CENPU: variants seen among roughly 807,000 people sequenced by gnomAD.
CENPU encodes the protein KSHV latent nuclear antigen interacting protein 1.
A neutral mutation model predicts 56.7 loss-of-function variants in CENPU; 46 were observed. The ratio of observed to expected loss-of-function variants is 0.81; its 90% CI spans 0.64 to 1.04. The LOEUF (loss-of-function observed/expected upper bound fraction) is 1.04, where lower values mean the gene tolerates loss of function less well. Ranked by LOEUF, CENPU falls within the 50% of genes least tolerant of loss-of-function variation. The pLI is 0.00. For missense variants in CENPU, 510 were observed against 490.1 expected (o/e 1.04, Z -0.38); for synonymous variants, 166 against 163.0 (o/e 1.02, Z -0.14).
At chr4:184,722,637 GA>G (rs1056953751) in intron 4 of CENPU, among the ~76,000 whole-genome samples, 17 of 142,934 alleles carry the variant, frequency 1.2e-4, no homozygotes, top group Middle Eastern at 3.6e-3. Context: ...TTTCTATGTT[GA>G]AAAAAAAAAC....
In CENPU at chr4:184,695,213, T is replaced by C; in HGVS notation, c.*75A>G. On this transcript the variant is annotated 3_prime_UTR_variant, in exon 13 of 13. Coordinates refer to ENST00000281453, the MANE Select transcript of CENPU (RefSeq NM_024629.4). ...TAACTTCTTTGCAAAACAATTGATTTATAAAGGTACAGTTTCAGAAGGTAA... is the reference window on the plus strand; with the variant it reads ...TAACTTCTTTGCAAAACAATTGATTCATAAAGGTACAGTTTCAGAAGGTAA... 1 of 987,922 alleles carries C rather than the reference T, an allele frequency of 1.0e-6. No individual in the cohort carries two copies. Among genetic ancestry groups the C allele is most frequent in the South Asian group, 1.3e-5 (1 of 74,552 alleles). The allele number at this position is 987,922 out of a possible 1,614,324, so 61.2% of individuals were successfully genotyped here.
At chr4:184,706,108 T>C (rs28579266) in intron 8 of CENPU, among the ~76,000 whole-genome samples, 27,109 of 152,184 alleles carry the variant, frequency 0.18, 2,714 homozygotes, top group African/African-American at 0.26. Flanking sequence ...TTTTATGTTA[T>C]GTGTATTTTA....
chr4:184,695,001 C>G lies in CENPU; in HGVS notation c.*287G>C, dbSNP rs768540804. The G allele has an allele frequency of 6.4e-4, 352 of 546,040 alleles. 3 individuals are homozygous for G. The highest frequency in any genetic ancestry group is 9.8e-4 in the Non-Finnish European group (303 of 309,446). 33.8% of individuals were successfully genotyped at this position (546,040 alleles called of 1,614,324 possible). ...TTAATCAAAATTATGTTCACATCAA[C>G]TTAATTTTACAAGTTTATTATAGCT... On this transcript the variant is annotated 3_prime_UTR_variant, in exon 13 of 13. Coordinates refer to ENST00000281453, the MANE Select transcript of CENPU (RefSeq NM_024629.4).
chr4:184,699,712 G>A, intron 11 of CENPU: 1 of 921,872 alleles, frequency 1.1e-6, no homozygotes, highest in Non-Finnish European at 1.5e-6. Context: ...CCAGGCTGGA[G>A]TGCACTGGCA....
chr4:184,717,078 T>C, intron 5 of CENPU, 58 bp downstream of exon 5: 1 of 1,128,462 alleles, frequency 8.9e-7, no homozygotes. Flanking sequence ...TTTTCTGTAC[T>C]TGCATCCAAT....
chr4:184,705,079 C>T (rs897113630), intron 8 of CENPU, among the ~76,000 whole-genome samples: 2 of 152,112 alleles, frequency 1.3e-5, no homozygotes, highest in Non-Finnish European at 2.9e-5. Context: ...GGGCATTTAT[C>T]CCAGAGAAAT....
Position 184,734,076 on chromosome 4 carries a change from G to T in CENPU, c.-14C>A. On this transcript the variant is annotated 5_prime_UTR_variant, in exon 1 of 13. Transcript: ENST00000281453. ...CCGCGGGGCCATGGTGCCGCTCTCC[G>T]CTCTCGAGCGACTGGAAGCTCCCGC... is the stretch of plus-strand genomic sequence containing the variant. 1 of 1,546,742 alleles carries T rather than the reference G, an allele frequency of 6.5e-7. No individual in the cohort carries two copies. Among genetic ancestry groups the T allele is most frequent in the Non-Finnish European group, 8.7e-7 (1 of 1,147,660 alleles).
chr4:184,698,054 G>A (rs1760400898), intron 11 of CENPU: 2 of 375,008 alleles, frequency 5.3e-6, no homozygotes, highest in Non-Finnish European at 9.5e-6. Context: ...TATAAATGCT[G>A]AAATTCATCA....
intron 4 of CENPU, among the ~76,000 whole-genome samples, chr4:184,722,630 C>G (rs4586996): frequency 6.7e-6 from 1 of 149,958 alleles, no homozygotes; most frequent in Non-Finnish European, 1.5e-5. Flanking sequence ...TGAACATTTT[C>G]TATGTTGAAA....
rs777487432 is a variant in CENPU, at chr4:184,730,969, C to T, written c.48-1G>A. 2 of 1,575,810 alleles carry T rather than the reference C, an allele frequency of 1.3e-6. No individual in the cohort carries two copies. The highest frequency in any genetic ancestry group is 1.2e-5 in the South Asian group (1 of 83,072). The stretch of plus-strand genomic sequence containing the variant: ...TAAAGTGTTCTTTGAACGTCTTGCG[C>T]TATTAAACAGCAAAAAAACACAAGA... On this transcript the variant is annotated splice_acceptor_variant, in intron 1 of 12. Transcript: ENST00000281453. LOFTEE classifies it high-confidence loss of function.
intron 5 of CENPU, 82 bp from the exon 6 acceptor site, chr4:184,716,715 A>G (rs924655318): frequency 1.9e-6 from 2 of 1,058,596 alleles, no homozygotes; most frequent in Non-Finnish European, 2.8e-6. Flanking sequence ...AAAACCATAT[A>G]TATAGTCCAC....
chr4:184,722,430 T>C (rs1224611220), intron 4 of CENPU, among the ~76,000 whole-genome samples: 1 of 152,056 alleles, frequency 6.6e-6, no homozygotes, highest in East Asian at 1.9e-4. Context: ...CAACTTTGCT[T>C]TTAACAAGTA....
intron 8 of CENPU, among the ~76,000 whole-genome samples, chr4:184,705,142 G>A (rs946744176): frequency 3.3e-5 from 5 of 152,206 alleles, no homozygotes; most frequent in African/African-American, 1.2e-4. Context: ...ACAGCACTGT[G>A]TGTGTTAACA....
In CENPU at chr4:184,717,179, T is replaced by A. The variant is rs1195897717; in HGVS notation, c.338A>T (p.Asn113Ile). 6.2e-7 allele frequency: 1 copy of A among 1,612,476 alleles called. No individual in the cohort carries two copies. Among genetic ancestry groups the A allele is most frequent in the Non-Finnish European group, 8.5e-7 (1 of 1,179,670 alleles). ...TACAGATTCGATTTCACTTGCTTCA[T>A]TTCCAGAAGTGTCTGAACTGTAAAA... ...EAKRSSDTSGNEASEIESVKI... is the reference protein window; with the variant it reads ...EAKRSSDTSGIEASEIESVKI... Residue 113 changes from asparagine (N) to isoleucine (I), a missense_variant, in exon 5 of 13, where the codon AAT becomes ATT. Coordinates refer to ENST00000281453, the MANE Select transcript of CENPU (RefSeq NM_024629.4).
At chr4:184,730,006 T>C (rs1375479486) in intron 2 of CENPU, among the ~76,000 whole-genome samples, 2 of 152,198 alleles carry the variant, frequency 1.3e-5, no homozygotes, top group Non-Finnish European at 2.9e-5. Context: ...GAATCATTCC[T>C]GGAGTGCTTG....
At chr4:184,701,430 G>A (rs1273668153) in intron 10 of CENPU, among the ~76,000 whole-genome samples, 1 of 152,136 alleles carries the variant, frequency 6.6e-6, no homozygotes, top group Non-Finnish European at 1.5e-5. Flanking sequence ...GAAGGAAAAC[G>A]TATGTATTTC....
Position 184,724,681 on chromosome 4 carries a change from A to C in CENPU, c.320+276T>G, listed in dbSNP as rs115667052. Among the ~76,000 whole-genome samples the C allele has an allele frequency of 7.0e-3, 1,064 of 152,316 alleles. 16 individuals are homozygous for C. The highest frequency in any genetic ancestry group is 0.025 in the African/African-American group (1,035 of 41,574). On this transcript the variant is annotated intron_variant, in intron 4 of 12. Transcript: ENST00000281453. ...TCACCTAACATTCTATGCTTGTAAA[A>C]TCTTTCCCTCCTTTCTTATTTGACT...
Position 184,702,075 on chromosome 4 carries a change from CATAA to C in CENPU, c.924+10_924+13del, listed in dbSNP as rs777044481. ...GTGTTTGACTCTATGACTCTAATCA[CATAA>C]ATAATTTACCTTAGCATTCTTCCTT... On this transcript the variant is annotated intron_variant, in intron 10 of 12. Coordinates refer to ENST00000281453, the MANE Select transcript of CENPU (RefSeq NM_024629.4). 3.8e-6 allele frequency: 6 copies of C among 1,574,364 alleles called. No homozygotes were observed. The highest frequency in any genetic ancestry group is 2.2e-5 in the South Asian group (2 of 89,776).
chr4:184,697,583 T>C (rs1760382487), intron 12 of CENPU, 64 bp downstream of exon 12: 2 of 1,467,196 alleles, frequency 1.4e-6, no homozygotes, highest in South Asian at 2.4e-5. Context: ...TCTGATACTC[T>C]AGCATGAAAA....
Sources: allele counts gnomAD v4.1 joint callset (sites outside exome capture counted in the v4.1 genomes callset), GRCh38; gene constraint gnomAD v4.1.1; transcripts MANE v1.5; gene names NCBI Gene and HGNC (gene_info 2026-07-23, HGNC 2026-07-21).